Variants in ABLIM2 observed in about 807,000 individuals in gnomAD.
ABLIM2 encodes actin binding LIM protein family member 2.
A neutral mutation model predicts 97.7 loss-of-function variants in ABLIM2; 53 were observed. The observed-to-expected ratio is 0.54, with a 90% CI of 0.44 to 0.68. The LOEUF is 0.68. ABLIM2 is among the 30% of genes least tolerant of loss of function. The pLI, the probability that ABLIM2 is intolerant of heterozygous loss-of-function variation, is 0.00. For synonymous variants in ABLIM2, 361 were observed against 345.8 expected (o/e 1.04, Z -0.49); for missense variants, 835 against 867.2 (o/e 0.96, Z 0.47).
intron 1 of ABLIM2, among the ~76,000 whole-genome samples, chr4:8,153,343 C>T (rs6823801): frequency 0.032 from 4,900 of 152,264 alleles, 102 homozygotes; most frequent in South Asian, 0.07. Flanking sequence ...ACCCCCAAAC[C>T]ATCTCATTGA....
Position 8,123,120 on chromosome 4 carries a change from G to A in ABLIM2, c.11-16483C>T, listed in dbSNP as rs1846216383. Among the ~76,000 whole-genome samples the A allele has an allele frequency of 6.6e-6, 1 of 152,214 alleles. No individual in the cohort carries two copies. The highest frequency in any genetic ancestry group is 6.5e-5 in the Admixed American group (1 of 15,286). Reference sequence around the variant, plus strand: ...AGCACTGTGTCCCAGCACTGCTGGAGGAAGACCTCTTTGCCCGGGTCTGGA... The same window carrying A: ...AGCACTGTGTCCCAGCACTGCTGGAAGAAGACCTCTTTGCCCGGGTCTGGA... On this transcript the variant is annotated intron_variant, in intron 1 of 20. Coordinates refer to ENST00000447017, the MANE Select transcript of ABLIM2 (RefSeq NM_001130083.2). The surrounding 1 kb of genome is among the most constrained non-coding windows in gnomAD (Gnocchi z 6.2).
Position 8,007,111 on chromosome 4 carries a change from C to G in ABLIM2, c.1618+948G>C, listed in dbSNP as rs1014885122. On this transcript the variant is annotated intron_variant, in intron 16 of 20. Transcript: ENST00000447017. ...TTTCCTGTCACATTGAAACACTTTT[C>G]TACTTTCATTGTTAAGTAGGACGGT... 18 of 985,314 alleles carry G rather than the reference C, an allele frequency of 1.8e-5. No homozygotes were observed. In the African/African-American group the frequency reaches 3.1e-4, roughly 17 times the overall value. The allele number at this position is 985,314 out of a possible 1,614,324, so 61.0% of individuals were successfully genotyped here. A position where few individuals can be genotyped will look rare whatever the true frequency, so the allele number is the denominator to read the frequency against.
In ABLIM2 at chr4:8,107,449, C is replaced by T. The variant is rs367925725; in HGVS notation, c.11-812G>A. ...TGAGCAACAGTGACCACCAGGTGGC[C>T]GAGCTGGCATCGCTTTGAAGCTTGA... On this transcript the variant is annotated intron_variant, in intron 1 of 20. Transcript: ENST00000447017. Among the ~76,000 whole-genome samples the T allele has an allele frequency of 5.2e-3, 786 of 152,336 alleles. 8 individuals carry two copies. Among genetic ancestry groups the T allele is most frequent in the African/African-American group, 0.018 (758 of 41,582 alleles).
intron 20 of ABLIM2, among the ~76,000 whole-genome samples, chr4:7,983,040 T>A (rs1418334442): frequency 1.3e-5 from 2 of 152,196 alleles, no homozygotes; most frequent in Admixed American, 1.3e-4. Flanking sequence ...CCCTGCCTCA[T>A]CCACAAACCA....
chr4:8,041,976 GCAGCAAC>G (rs1560884884), intron 9 of ABLIM2, among the ~76,000 whole-genome samples: 14 of 151,704 alleles, frequency 9.2e-5, no homozygotes, highest in African/African-American at 3.4e-4. Context: ...AACAACAACA[GCAGCAAC>G]AACAGCAACA....
At position 8,147,154 on chromosome 4, in the gene ABLIM2, T is replaced by C. The variant is rs549557155; in HGVS notation, c.10+11526A>G. ...ATGAATGTATTTAAGTCTCCATACA[T>C]TTCACCTAACTGCTCCTCAAAAGAT... On this transcript the variant is annotated intron_variant, in intron 1 of 20. Transcript: ENST00000447017. The surrounding 1 kb of genome is among the most constrained non-coding windows in gnomAD (Gnocchi z 5.3). 6.6e-6 allele frequency among the ~76,000 whole-genome samples: 1 copy of C among 152,338 alleles called. No individual in the cohort carries two copies. The highest frequency in any genetic ancestry group is 6.5e-5 in the Admixed American group (1 of 15,304).
At chr4:8,086,349 C>CTTT (rs1228215168) in intron 4 of ABLIM2, among the ~76,000 whole-genome samples, 4 of 122,978 alleles carry the variant, frequency 3.3e-5, no homozygotes, top group Non-Finnish European at 5.2e-5. Context: ...TCCCCTCCCA[C>CTTT]TTTTTTTTTT....
rs1809417945 is a variant in ABLIM2 at position 8,068,311 on chromosome 4, C to G, written c.676-7257G>C. Among the ~76,000 whole-genome samples, 1 of 152,178 alleles carries G rather than the reference C, an allele frequency of 6.6e-6. No homozygotes were observed. The highest frequency in any genetic ancestry group is 2.1e-4 in the South Asian group (1 of 4,828). On this transcript the variant is annotated intron_variant, in intron 6 of 20. Transcript: ENST00000447017. This position sits in a 1 kb window ranked among gnomAD's most constrained non-coding sequence, Gnocchi z 4.5. The stretch of plus-strand genomic sequence containing the variant: ...ACATCTTGTGCCTTCTGAAGGGTGG[C>G]TGTCATCTTTAATAAGGCAGAACGA...
chr4:8,047,527 G>T (rs1342280705), intron 8 of ABLIM2, among the ~76,000 whole-genome samples: 2 of 152,308 alleles, frequency 1.3e-5, no homozygotes, highest in South Asian at 4.1e-4. Context: ...CTGCAGGCTG[G>T]CAGGGGCTGG....
intron 3 of ABLIM2, among the ~76,000 whole-genome samples, chr4:8,092,324 G>A (rs183830761): frequency 6.4e-4 from 97 of 152,170 alleles, no homozygotes; most frequent in African/African-American, 2.3e-3. Context: ...TTAGTGAAGT[G>A]TGAAAGACAA....
At chr4:8,136,091 G>C (rs1409815009) in intron 1 of ABLIM2, among the ~76,000 whole-genome samples, 3 of 152,210 alleles carry the variant, frequency 2.0e-5, no homozygotes, top group Non-Finnish European at 4.4e-5. Context: ...GCAAAACGTG[G>C]TCTATACGGA....
intron 1 of ABLIM2, among the ~76,000 whole-genome samples, chr4:8,145,781 C>CAT (rs1429419113): frequency 6.7e-6 from 1 of 150,014 alleles, no homozygotes; most frequent in Non-Finnish European, 1.5e-5. Context: ...CACACACACA[C>CAT]ACACACACGA....
At chr4:8,052,572 G>C (rs1246983105) in intron 8 of ABLIM2, among the ~76,000 whole-genome samples, 1 of 152,222 alleles carries the variant, frequency 6.6e-6, no homozygotes, top group African/African-American at 2.4e-5. Context: ...CCCCTCCCCT[G>C]CCAAAAGCAG....
intron 2 of ABLIM2, among the ~76,000 whole-genome samples, chr4:8,101,299 C>T (rs560630847): frequency 9.2e-5 from 14 of 152,346 alleles, no homozygotes; most frequent in African/African-American, 3.4e-4. Flanking sequence ...ATTCCTCCTG[C>T]CGGGACTTTC....
intron 2 of ABLIM2, among the ~76,000 whole-genome samples, chr4:8,098,081 C>G (rs1185372013): frequency 1.3e-5 from 2 of 152,208 alleles, no homozygotes; most frequent in Admixed American, 1.3e-4. Flanking sequence ...GAGACCCGAT[C>G]GCATTCCTCC....
intron 11 of ABLIM2, among the ~76,000 whole-genome samples, chr4:8,028,473 ACTCT>A (rs1301254756): frequency 1.3e-5 from 2 of 151,636 alleles, no homozygotes; most frequent in African/African-American, 4.9e-5. Flanking sequence ...TCATTCACTC[ACTCT>A]CTCATTCCCT....
At chr4:8,156,789 C>G (rs1221086525) in intron 1 of ABLIM2, among the ~76,000 whole-genome samples, 1 of 152,250 alleles carries the variant, frequency 6.6e-6, no homozygotes, top group Non-Finnish European at 1.5e-5. Flanking sequence ...GCCAGACATA[C>G]ACAGTGGCCG....
rs979721653 is a variant in ABLIM2, at chr4:7,966,318, C to T, written c.*672G>A. 6.6e-6 allele frequency: 1 copy of T among 152,598 alleles called. No individual in the cohort carries two copies. Among genetic ancestry groups the T allele is most frequent in the African/African-American group, 2.4e-5 (1 of 41,430 alleles). The allele number at this position is 152,598 out of a possible 1,614,324, so 9.5% of individuals were successfully genotyped here. A position where few individuals can be genotyped will look rare whatever the true frequency, so the allele number is the denominator to read the frequency against. On this transcript the variant is annotated 3_prime_UTR_variant, in exon 21 of 21. Coordinates refer to ENST00000447017, the MANE Select transcript of ABLIM2 (RefSeq NM_001130083.2). ...GCTATACTTTTTAATAAAATAAAAA[C>T]TTCTGTGTTACTTTAAAGATATTGT...
At chr4:8,051,789 C>T (rs1450941774) in intron 8 of ABLIM2, among the ~76,000 whole-genome samples, 1 of 152,150 alleles carries the variant, frequency 6.6e-6, no homozygotes, top group Non-Finnish European at 1.5e-5. Context: ...CCCCACATAT[C>T]CACATGTATG....
Sources: allele counts gnomAD v4.1 joint callset (sites outside exome capture counted in the v4.1 genomes callset), GRCh38; gene constraint gnomAD v4.1.1; non-coding constraint Gnocchi (gnomAD v3.1); transcripts MANE v1.5; gene names NCBI Gene and HGNC (gene_info 2026-07-23, HGNC 2026-07-21).